Variants in EYA2 observed in about 807,000 individuals in gnomAD.
EYA2 encodes the protein EYA transcriptional coactivator and phosphatase 2.
In EYA2, 31 loss-of-function variants were observed where a neutral mutation model predicts 69.2. The ratio of observed to expected loss-of-function variants is 0.45; its 90% CI spans 0.34 to 0.60. The LOEUF (loss-of-function observed/expected upper bound fraction) is 0.60, where lower values mean the gene tolerates loss of function less well. Among genes scored for constraint, EYA2 ranks in the 20% least tolerant of loss-of-function variants. EYA2 has a pLI of 0.02. For synonymous variants in EYA2, 257 were observed against 279.4 expected, an observed-to-expected ratio of 0.92 and a Z score of 0.80; for missense variants, 622 against 701.2, an observed-to-expected ratio of 0.89 and a Z score of 1.28.
At chr20:46,903,838 A>T (rs1194893037) in intron 1 of EYA2, among the ~76,000 whole-genome samples, 1 of 152,218 alleles carries the variant, frequency 6.6e-6, no homozygotes, top group East Asian at 1.9e-4. Context: ...TAATAATAGT[A>T]ACAACAATAA....
intron 1 of EYA2, among the ~76,000 whole-genome samples, chr20:46,987,954 C>CTATATA (rs1981362861): frequency 4.6e-5 from 2 of 43,570 alleles, no homozygotes; most frequent in East Asian, 6.8e-4. Flanking sequence ...CTCTCTCTCT[C>CTATATA]TCTCTCTCTC....
intron 5 of EYA2, among the ~76,000 whole-genome samples, chr20:47,024,598 G>C (rs949034744): frequency 3.9e-5 from 6 of 152,204 alleles, no homozygotes; most frequent in Non-Finnish European, 7.3e-5. Context: ...TGGGAGTTCT[G>C]CTCTGCCAAT....
At position 47,074,160 on chromosome 20, in the gene EYA2, C is replaced by T; in HGVS notation, c.486C>T (p.Asp162=). The stretch of plus-strand genomic sequence containing the variant: ...TTGGTTTGTTTTTCTCTTCCCAGGA[C>T]TATCCTTCCTACCCCGGCTTCCCCC... ...NAAGFGSVHQ[D]YPSYPGFPQS... Residue 162 remains aspartate (D), a splice_region_variant and synonymous_variant, in exon 7 of 16, where the codon GAC becomes GAT. Coordinates refer to ENST00000327619, the MANE Select transcript of EYA2 (RefSeq NM_005244.5). 1 of 1,609,664 alleles carries T rather than the reference C, an allele frequency of 6.2e-7. No individual in the cohort carries two copies. Among genetic ancestry groups the T allele is most frequent in the Non-Finnish European group, 8.5e-7 (1 of 1,177,078 alleles).
At chr20:47,008,511 C>A (rs1178752925) in intron 4 of EYA2, among the ~76,000 whole-genome samples, 1 of 152,236 alleles carries the variant, frequency 6.6e-6, no homozygotes, top group African/African-American at 2.4e-5. Flanking sequence ...TACAATCACA[C>A]ATAAGTTACC....
chr20:47,158,618 A>G (rs1242616633), intron 10 of EYA2, among the ~76,000 whole-genome samples: 1 of 151,924 alleles, frequency 6.6e-6, no homozygotes, highest in Non-Finnish European at 1.5e-5. Context: ...AGTTTCTAAT[A>G]CCACGCTGCA....
At chr20:47,171,308 C>A (rs966235233) in intron 11 of EYA2, among the ~76,000 whole-genome samples, 23 of 152,228 alleles carry the variant, frequency 1.5e-4, no homozygotes, top group African/African-American at 5.1e-4. Context: ...AGACCAAATT[C>A]TCCACTTATT....
At chr20:47,048,128 G>A (rs1356157873) in intron 5 of EYA2, among the ~76,000 whole-genome samples, 3 of 152,186 alleles carry the variant, frequency 2.0e-5, no homozygotes, top group African/African-American at 7.2e-5. Flanking sequence ...CGAGGATTAG[G>A]ACATGAACAC....
chr20:46,933,519 A>G (rs185734249), intron 1 of EYA2, among the ~76,000 whole-genome samples: 1 of 152,302 alleles, frequency 6.6e-6, no homozygotes, highest in Admixed American at 6.5e-5. Flanking sequence ...GGTGACCCCA[A>G]ACTGGAAGGG....
chr20:47,114,388 G>A (rs1600718758), intron 9 of EYA2, among the ~76,000 whole-genome samples: 1 of 152,194 alleles, frequency 6.6e-6, no homozygotes. Context: ...GCTGAGGCTG[G>A]TGGATCACCT....
chr20:46,974,174 T>A (rs905361847), intron 1 of EYA2, among the ~76,000 whole-genome samples: 18 of 152,240 alleles, frequency 1.2e-4, no homozygotes, highest in African/African-American at 4.3e-4. Context: ...TAAAACAATG[T>A]CTGGCTCATA....
At chr20:47,061,170 C>T (rs1018625799) in intron 5 of EYA2, among the ~76,000 whole-genome samples, 33 of 152,218 alleles carry the variant, frequency 2.2e-4, no homozygotes, top group Admixed American at 2.0e-3. Context: ...CATCTCTTTA[C>T]TCTCCTTCTT....
chr20:47,094,383 T>C (rs2032184903), intron 8 of EYA2, among the ~76,000 whole-genome samples: 1 of 152,230 alleles, frequency 6.6e-6, no homozygotes, highest in Non-Finnish European at 1.5e-5. Flanking sequence ...ATAAGAAATA[T>C]ACTTACTATG....
intron 1 of EYA2, among the ~76,000 whole-genome samples, chr20:46,898,889 A>G (rs949503615): frequency 9.2e-5 from 14 of 152,200 alleles, no homozygotes; most frequent in African/African-American, 2.9e-4. Context: ...TTTTTAGTGC[A>G]TATTTCTTTT....
chr20:46,984,102 A>G (rs1981019152), intron 1 of EYA2, among the ~76,000 whole-genome samples: 1 of 152,216 alleles, frequency 6.6e-6, no homozygotes, highest in African/African-American at 2.4e-5. Flanking sequence ...AACCACATAA[A>G]AAGGCAGACT....
intron 1 of EYA2, among the ~76,000 whole-genome samples, chr20:46,895,530 CG>C (rs1568655666): frequency 6.6e-6 from 1 of 152,208 alleles, no homozygotes; most frequent in Non-Finnish European, 1.5e-5. Context: ...GCGCTCGGCC[CG>C]CTCTGGTTCA....
intron 1 of EYA2, among the ~76,000 whole-genome samples, chr20:46,943,127 G>C (rs996652346): frequency 1.3e-5 from 2 of 152,212 alleles, no homozygotes; most frequent in Non-Finnish European, 2.9e-5. Flanking sequence ...CTGCCCCCGA[G>C]GGGACATTTG....
At chr20:47,073,873 T>C (rs1041214983) in intron 6 of EYA2, among the ~76,000 whole-genome samples, 1 of 152,048 alleles carries the variant, frequency 6.6e-6, no homozygotes. Context: ...CTTTTCCTCA[T>C]AGGGCTCATC....
intron 7 of EYA2, among the ~76,000 whole-genome samples, chr20:47,079,138 T>C (rs1028788979): frequency 6.6e-6 from 1 of 152,258 alleles, no homozygotes; most frequent in African/African-American, 2.4e-5. Context: ...TTATGTTTGC[T>C]CTACAATATA....
chr20:47,131,489 C>T (rs75102591), intron 9 of EYA2, among the ~76,000 whole-genome samples: 3,384 of 152,322 alleles, frequency 0.022, 118 homozygotes, highest in East Asian at 0.09. Flanking sequence ...ACCCCAAAGA[C>T]GTCCACATCC....
Sources: allele counts gnomAD v4.1 joint callset (sites outside exome capture counted in the v4.1 genomes callset), GRCh38; gene constraint gnomAD v4.1.1; transcripts MANE v1.5; gene names NCBI Gene and HGNC (gene_info 2026-07-23, HGNC 2026-07-21).